The following ODAD2 variants were observed in gnomAD, a reference collection of about 807,000 sequenced individuals.
The protein encoded by ODAD2 is outer dynein arm-docking complex subunit 2.
In ODAD2, 89 loss-of-function variants were observed where a neutral mutation model predicts 106.8. That is an observed-to-expected ratio of 0.83 (90% confidence interval 0.70 to 0.99). ODAD2 has a LOEUF of 0.99. Ranked by LOEUF, ODAD2 falls within the 50% of genes least tolerant of loss-of-function variation. The pLI is 0.00. For missense variants in ODAD2, 1,168 were observed against 1,238.5 expected, an observed-to-expected ratio of 0.94 and a Z score of 0.85; for synonymous variants, 404 against 436.2, an observed-to-expected ratio of 0.93 and a Z score of 0.92.
At chr10:27,990,671 A>G (rs1850174032) in intron 2 of ODAD2, among the ~76,000 whole-genome samples, 1 of 152,212 alleles carries the variant, frequency 6.6e-6, no homozygotes, top group Non-Finnish European at 1.5e-5. Context: ...AAACAATATT[A>G]TTTTATAGGT....
chr10:27,951,946 G>A (rs1265458208), intron 10 of ODAD2, among the ~76,000 whole-genome samples: 3 of 151,640 alleles, frequency 2.0e-5, no homozygotes, highest in Middle Eastern at 3.4e-3. Context: ...ATAGTGGCAC[G>A]CTCCTGTAGT....
chr10:27,863,411 C>T (rs1840213280), intron 17 of ODAD2, among the ~76,000 whole-genome samples: 1 of 152,152 alleles, frequency 6.6e-6, no homozygotes. Context: ...CTTCTTCAGC[C>T]TCAGCTGAGA....
intron 16 of ODAD2, among the ~76,000 whole-genome samples, chr10:27,918,112 A>G (rs1213203639): frequency 6.6e-6 from 1 of 151,914 alleles, no homozygotes; most frequent in African/African-American, 2.4e-5. Flanking sequence ...TTTAAGAAAA[A>G]ATAATCCTAC....
At position 27,995,051 on chromosome 10, in the gene ODAD2, A is replaced by C; in HGVS notation, c.92T>G (p.Leu31Trp). Residue 31 changes from leucine to tryptophan, a missense_variant, in exon 2 of 20, where the codon TTG becomes TGG. By Grantham distance (61) the Leu-to-Trp change is moderately conservative. This residue lies in a region of ODAD2 where 430 missense variants were observed against 452.2 expected (regional missense o/e 0.95). Coordinates refer to ENST00000305242, the MANE Select transcript of ODAD2 (RefSeq NM_018076.5). The stretch of plus-strand genomic sequence containing the variant: ...CTCCACAAACACAATAATTTCTTTC[A>C]ATATCGCTTCATTTAGAGGGGTGAT... ...LEITPLNEAI[L>W]KEIIVFVESF... 6.2e-7 allele frequency: 1 copy of C among 1,614,174 alleles called. No homozygotes were observed. Among genetic ancestry groups the C allele is most frequent in the Non-Finnish European group, 8.5e-7 (1 of 1,180,038 alleles).
In ODAD2 at chr10:27,868,299, A is replaced by G. The variant is rs532358500; in HGVS notation, c.2611-5677T>C. Among the ~76,000 whole-genome samples, 123 of 152,316 alleles carry G rather than the reference A, an allele frequency of 8.1e-4. 2 individuals carry two copies. Among genetic ancestry groups the G allele is most frequent in the African/African-American group, 2.7e-3 (114 of 41,584 alleles). On this transcript the variant is annotated intron_variant, in intron 17 of 19. Coordinates refer to ENST00000305242, the MANE Select transcript of ODAD2 (RefSeq NM_018076.5). ...TCCTCAAGGATCTAGAACCAGAAAT[A>G]AAATTTGACCTAGAAATCCCATTAC... is the stretch of plus-strand genomic sequence containing the variant.
intron 7 of ODAD2, among the ~76,000 whole-genome samples, chr10:27,977,434 G>A (rs1849263059): frequency 1.3e-5 from 2 of 151,888 alleles, no homozygotes; most frequent in African/African-American, 2.4e-5. Flanking sequence ...AGGCGCGGTG[G>A]CGGGCGCCTG....
At chr10:27,959,074 T>A in intron 10 of ODAD2, 1 of 1,191,180 alleles carries the variant, frequency 8.4e-7, no homozygotes, top group Non-Finnish European at 1.1e-6. Flanking sequence ...TAGAGGCTCA[T>A]GCCTGTAATC....
At chr10:27,934,665 T>C (rs1165898772) in intron 16 of ODAD2, among the ~76,000 whole-genome samples, 1 of 152,100 alleles carries the variant, frequency 6.6e-6, no homozygotes, top group African/African-American at 2.4e-5. Flanking sequence ...AAGGCTACTA[T>C]GAGAATGTAC....
At chr10:27,936,595 G>A in intron 15 of ODAD2, 131 bp downstream of exon 15, 2 of 1,067,276 alleles carry the variant, frequency 1.9e-6, no homozygotes, top group South Asian at 2.8e-5. Context: ...CCCTTCATTG[G>A]GCTAACTTCA....
intron 16 of ODAD2, among the ~76,000 whole-genome samples, chr10:27,918,373 C>A (rs1029466881): frequency 6.6e-6 from 1 of 151,836 alleles, no homozygotes; most frequent in African/African-American, 2.4e-5. Flanking sequence ...CCTTCCAAAA[C>A]AAATCATGGT....
intron 17 of ODAD2, among the ~76,000 whole-genome samples, chr10:27,882,227 A>AAGAAAGAAAGAAAGAAAGAG (rs1554799110): frequency 6.6e-6 from 1 of 150,906 alleles, no homozygotes; most frequent in African/African-American, 2.4e-5. Flanking sequence ...GAAAGAAAGA[A>AAGAAAGAAAGAAAGAAAGAG]AGAAAGAAAT....
At position 27,993,180 on chromosome 10, in the gene ODAD2, G is replaced by A. The variant is rs189464893; in HGVS notation, c.224+1739C>T. 6.6e-3 allele frequency among the ~76,000 whole-genome samples: 999 copies of A among 152,160 alleles called. 2 individuals carry two copies. The highest frequency in any genetic ancestry group is 9.6e-3 in the Non-Finnish European group (651 of 67,998). On this transcript the variant is annotated intron_variant, in intron 2 of 19. Coordinates refer to ENST00000305242, the MANE Select transcript of ODAD2 (RefSeq NM_018076.5). ...TCTGCCCACCTCGGCCTTTCAAAAC[G>A]TTGGGATTACAGGTGTGAGCCACCA...
intron 17 of ODAD2, among the ~76,000 whole-genome samples, chr10:27,898,480 C>A (rs1393390718): frequency 6.6e-6 from 1 of 152,054 alleles, no homozygotes; most frequent in African/African-American, 2.4e-5. Context: ...GGGTGTGTGT[C>A]TTTAACATGG....
chr10:27,985,143 A>T lies in ODAD2; in HGVS notation c.451T>A (p.Leu151Ile). ...CTGGTAATTTTGCCAAGAATATTTA[A>T]TGCAATTGAGTTTTCTTTCATTGTA... ...YNTMKENSIALNILGKITRDD... is the reference protein window; with the variant it reads ...YNTMKENSIAINILGKITRDD... The change falls in exon 4 of 20, where the codon TTA (leucine) becomes ATA (isoleucine). Residue 151 changes from leucine (L) to isoleucine (I), a missense_variant. Leu to Ile is a conservative substitution (Grantham distance 5). Coordinates refer to ENST00000305242, the MANE Select transcript of ODAD2 (RefSeq NM_018076.5). The T allele has an allele frequency of 6.3e-7, 1 of 1,596,832 alleles. No homozygotes were observed. The highest frequency in any genetic ancestry group is 8.5e-7 in the Non-Finnish European group (1 of 1,170,632).
At chr10:27,971,952 T>C (rs993948453) in intron 7 of ODAD2, among the ~76,000 whole-genome samples, 2 of 152,174 alleles carry the variant, frequency 1.3e-5, no homozygotes, top group African/African-American at 2.4e-5. Context: ...AGTAATACCA[T>C]GCCAGCCAGA....
chr10:27,846,963 G>A (rs1319055117), intron 19 of ODAD2, among the ~76,000 whole-genome samples: 1 of 152,180 alleles, frequency 6.6e-6, no homozygotes, highest in African/African-American at 2.4e-5. Flanking sequence ...TCCAGGATCA[G>A]ATGGATTCAC....
At chr10:27,979,996 A>T (rs1318933221) in intron 7 of ODAD2, among the ~76,000 whole-genome samples, 6 of 152,218 alleles carry the variant, frequency 3.9e-5, no homozygotes, top group Admixed American at 2.0e-4. Context: ...GACCAATGGA[A>T]TAGAATTAAA....
At chr10:27,824,244 T>A (rs373440854) in intron 19 of ODAD2, among the ~76,000 whole-genome samples, 2 of 152,096 alleles carry the variant, frequency 1.3e-5, no homozygotes, top group East Asian at 3.9e-4. Flanking sequence ...CAAATCCTGC[T>A]ATGGATTGAA....
intron 16 of ODAD2, among the ~76,000 whole-genome samples, chr10:27,921,687 G>A: frequency 7.0e-6 from 1 of 143,098 alleles, no homozygotes; most frequent in East Asian, 2.0e-4. Context: ...TCAATTCTGA[G>A]ACAAACCTAG....
Sources: allele counts gnomAD v4.1 joint callset (sites outside exome capture counted in the v4.1 genomes callset), GRCh38; gene constraint gnomAD v4.1.1; regional missense constraint gnomAD v4.1.1; transcripts MANE v1.5; gene names NCBI Gene and HGNC (gene_info 2026-07-23, HGNC 2026-07-21).